Variants in BIN2 observed in about 807,000 individuals in gnomAD.
BIN2 encodes the protein breast cancer associated protein BRAP1.
BIN2 carries 43 observed loss-of-function variants against 67.9 expected under a neutral mutation model. That is an observed-to-expected ratio of 0.63 (90% CI 0.50 to 0.82). The LOEUF (loss-of-function observed/expected upper bound fraction) is 0.82. Among genes scored for constraint, BIN2 ranks in the 40% least tolerant of loss-of-function variants. The pLI is 0.00. For missense variants in BIN2, 581 were observed against 671.6 expected (o/e 0.87, Z 1.49); for synonymous variants, 244 against 246.8 (o/e 0.99, Z 0.11).
rs1592264337 is a variant in BIN2 at position 51,299,057 on chromosome 12, A to G, written c.602+146T>C. The G allele has an allele frequency of 2.2e-5, 13 of 599,484 alleles. No individual in the cohort carries two copies. In the East Asian group the frequency reaches 3.7e-4, roughly 17 times the overall value. 37.1% of individuals were successfully genotyped at this position (599,484 alleles called of 1,614,324 possible). ...GCTACTGCACTCTAGCCTGGGTGAC[A>G]GAGTGAGACCCTGTCTCGAAAAAAA... On this transcript the variant is annotated intron_variant, in intron 7 of 12. Transcript: ENST00000615107.
rs143305160 is a variant in BIN2 at position 51,313,871 on chromosome 12, G to A, written c.114C>T (p.Thr38=). 19 of 1,613,758 alleles carry A rather than the reference G, an allele frequency of 1.2e-5. No individual in the cohort carries two copies. The highest frequency in any genetic ancestry group is 1.3e-5 in the Non-Finnish European group (15 of 1,179,920). Residue 38 remains threonine, a synonymous_variant, in exon 2 of 13, where the codon ACC becomes ACT. Coordinates refer to ENST00000615107, the MANE Select transcript of BIN2 (RefSeq NM_016293.4). ...VLQKLGKAVE[T]KDERFEQSAS... ...CGCTTTGTTCAAATCGTTCATCTTT[G>A]GTTTCTACAGCTTTCCCCAATTTCT...
chr12:51,288,949 C>T (rs1342336943), intron 10 of BIN2, among the ~76,000 whole-genome samples: 1 of 152,034 alleles, frequency 6.6e-6, no homozygotes, highest in African/African-American at 2.4e-5. Context: ...GGGGTTTCAC[C>T]ATGTTGGCCA....
chr12:51,283,618 CTG>C (rs1436121637), intron 12 of BIN2, among the ~76,000 whole-genome samples: 4 of 152,116 alleles, frequency 2.6e-5, no homozygotes, highest in African/African-American at 9.7e-5. Flanking sequence ...ACACCCAGCT[CTG>C]TGTCTTAGTT....
intron 2 of BIN2, among the ~76,000 whole-genome samples, chr12:51,308,613 G>C (rs1383536060): frequency 6.6e-6 from 1 of 152,164 alleles, no homozygotes; most frequent in Non-Finnish European, 1.5e-5. Context: ...ATCAAGTGTT[G>C]AAAGTGCTTG....
intron 5 of BIN2, 27 bp downstream of exon 5, chr12:51,301,993 C>G (rs1319883044): frequency 1.3e-6 from 2 of 1,539,684 alleles, no homozygotes; most frequent in Admixed American, 3.4e-5. Context: ...CATCCACAAC[C>G]CAGCCTTGAT....
At chr12:51,324,282 G>A (rs1946374956), upstream of BIN2, 4 of 1,407,914 alleles carry the variant, frequency 2.8e-6, no homozygotes, top group East Asian at 1.1e-4. Context: ...AGCTGGAGCA[G>A]GCCGGCTCGG....
chr12:51,292,244 T>C lies in BIN2; in HGVS notation c.862A>G (p.Ser288Gly). The C allele has an allele frequency of 6.2e-7, 1 of 1,605,910 alleles. No homozygotes were observed. Among genetic ancestry groups the C allele is most frequent in the Non-Finnish European group, 8.5e-7 (1 of 1,179,966 alleles). Residue 288 changes from serine to glycine, a missense_variant, in exon 10 of 13, where the codon AGT (serine) becomes GGT (glycine). Ser to Gly is a moderately conservative substitution (Grantham distance 56). Coordinates refer to ENST00000615107, the MANE Select transcript of BIN2 (RefSeq NM_016293.4). ...PTSPSTLSLK[S>G]ESESVSATED... ...GTTGCTGAGACAGATTCACTCTCAC[T>C]CTTCAAGGAAAGTGTAGAGGGACTA...
At chr12:51,287,625 G>A (rs1945270181) in intron 11 of BIN2, among the ~76,000 whole-genome samples, 1 of 151,462 alleles carries the variant, frequency 6.6e-6, no homozygotes, top group African/African-American at 2.4e-5. Context: ...ACAGGCGTAA[G>A]CCACTGCACC....
chr12:51,302,777 A>C lies in BIN2; in HGVS notation c.221T>G (p.Met74Arg). 6.2e-7 allele frequency: 1 copy of C among 1,612,626 alleles called. No homozygotes were observed. Among genetic ancestry groups the C allele is most frequent in the Non-Finnish European group, 8.5e-7 (1 of 1,178,592 alleles). The change falls in exon 4 of 13, where the codon ATG (methionine) becomes AGG (arginine). Residue 74 changes from methionine to arginine, a missense_variant. By Grantham distance (91) the Met-to-Arg change is moderately conservative. Coordinates refer to ENST00000615107, the MANE Select transcript of BIN2 (RefSeq NM_016293.4). ...TGACACTCTTTTTGAACTTTCATGC[A>C]TCACTGAAAGGAGAGAATTCAGTCC... is the stretch of plus-strand genomic sequence containing the variant. ...LKNFLSAVKV[M>R]HESSKRVSET...
intron 2 of BIN2, among the ~76,000 whole-genome samples, chr12:51,312,442 A>G (rs1238029193): frequency 1.3e-5 from 2 of 152,184 alleles, no homozygotes; most frequent in Non-Finnish European, 2.9e-5. Flanking sequence ...TGAATACCTC[A>G]TAGTTTACTA....
At chr12:51,321,530 GC>G (rs1305477885) in intron 1 of BIN2, among the ~76,000 whole-genome samples, 1 of 152,062 alleles carries the variant, frequency 6.6e-6, no homozygotes, top group Non-Finnish European at 1.5e-5. Flanking sequence ...CTCCTGAGTA[GC>G]TGGGATTACA....
intron 5 of BIN2, among the ~76,000 whole-genome samples, chr12:51,301,703 T>C (rs1454322081): frequency 6.6e-6 from 1 of 151,788 alleles, no homozygotes; most frequent in African/African-American, 2.4e-5. Flanking sequence ...AGAGATGGGA[T>C]TTTGCCATGT....
In BIN2 at chr12:51,299,737, G is replaced by GGT. The variant is rs751056621; in HGVS notation, c.409-25_409-24dup. The GGT allele has an allele frequency of 1.1e-5, 17 of 1,600,176 alleles. No individual in the cohort carries two copies. The Admixed American group carries it at 1.3e-4, about 13-fold the overall frequency. ...CTCCTGACCCAGGGTAATGAGAAAG[G>GGT]GTGTGGATACTCACTTTTTAGTGGC... On this transcript the variant is annotated intron_variant, in intron 5 of 12. Coordinates refer to ENST00000615107, the MANE Select transcript of BIN2 (RefSeq NM_016293.4).
intron 2 of BIN2, among the ~76,000 whole-genome samples, chr12:51,304,980 C>T (rs762848972): frequency 8.6e-5 from 13 of 151,428 alleles, no homozygotes; most frequent in Non-Finnish European, 8.8e-5. Flanking sequence ...ATCACGCCAC[C>T]GTACTCCAGG....
Position 51,302,097 on chromosome 12 carries a change from C to T in BIN2, c.331G>A (p.Glu111Lys). Residue 111 changes from glutamate to lysine, a missense_variant, in exon 5 of 13, where the codon GAA (glutamate) becomes AAA (lysine). Physicochemically the swap from Glu to Lys is moderately conservative, Grantham distance 56. Transcript: ENST00000615107. ...TCAGCCAGTTTCTCCTCGTAGTCTT[C>T]CCAAAGGAGATCATTATTCTGTAGG... ...AIVWNNDLLW[E>K]DYEEKLADQA... The T allele has an allele frequency of 6.2e-7, 1 of 1,612,326 alleles. No individual in the cohort carries two copies. Among genetic ancestry groups the T allele is most frequent in the South Asian group, 1.1e-5 (1 of 91,048 alleles).
intron 1 of BIN2, among the ~76,000 whole-genome samples, chr12:51,319,437 G>A (rs1565692315): frequency 1.3e-5 from 2 of 152,214 alleles, no homozygotes; most frequent in African/African-American, 2.4e-5. Context: ...TCTTCCCAAC[G>A]AAAGACCCTT....
At chr12:51,293,295 C>A (rs961801726) in intron 9 of BIN2, among the ~76,000 whole-genome samples, 1 of 148,428 alleles carries the variant, frequency 6.7e-6, no homozygotes, top group Non-Finnish European at 1.5e-5. Context: ...AAAAAAAAAC[C>A]ACCTTATTTT....
chr12:51,288,939 G>A (rs540657072), intron 10 of BIN2, among the ~76,000 whole-genome samples: 1 of 152,000 alleles, frequency 6.6e-6, no homozygotes, highest in African/African-American at 2.4e-5. Flanking sequence ...TAGTAGAGAC[G>A]GGGTTTCACC....
intron 12 of BIN2, 35 bp downstream of exon 12, chr12:51,284,681 A>G (rs745946942): frequency 6.6e-7 from 1 of 1,524,516 alleles, no homozygotes; most frequent in East Asian, 2.3e-5. Flanking sequence ...CTGTCAATCT[A>G]ATGCCCAATC....
Sources: gnomAD v4.1 joint callset for allele counts (sites outside exome capture counted in the v4.1 genomes callset) on GRCh38, gnomAD v4.1.1 for gene constraint, MANE v1.5 for transcripts, NCBI Gene and HGNC (gene_info 2026-07-23, HGNC 2026-07-21) for gene names.